SH2D4A: variants seen among roughly 807,000 people sequenced by gnomAD.
The protein encoded by SH2D4A is SH2 domain-containing protein 4A.
In SH2D4A, 70 loss-of-function variants were observed where a neutral mutation model predicts 64.7. The observed-to-expected ratio is 1.08, with a 90% CI of 0.89 to 1.32. The LOEUF is 1.32. Among genes scored for constraint, SH2D4A ranks in the 40% most tolerant of loss-of-function variants. The probability of loss-of-function intolerance (pLI) is 0.00; values close to 1 mark genes in which losing one functional copy is unlikely to be tolerated. For synonymous variants in SH2D4A, 268 were observed against 200.7 expected, an observed-to-expected ratio of 1.34 and a Z score of -2.83; for missense variants, 706 against 540.1, an observed-to-expected ratio of 1.31 and a Z score of -3.04.
chr8:19,373,553 T>C lies in SH2D4A; in HGVS notation c.941T>C (p.Leu314Pro), dbSNP rs149655770. Residue 314 changes from leucine (L) to proline (P), a missense_variant, in exon 8 of 10, where the codon CTG becomes CCG. By Grantham distance (98) the Leu-to-Pro change is moderately conservative (BLOSUM62 -3). Coordinates refer to ENST00000265807, the MANE Select transcript of SH2D4A (RefSeq NM_022071.4). ...AGAAATCAGGGAGTGGTGAGGACAC[T>C]GTCCAGCTCTGCCCAAGAGGACATC... ...PLRNQGVVRT[L>P]SSSAQEDIIR... 7.0e-4 allele frequency: 1,128 copies of C among 1,609,514 alleles called. 10 individuals carry two copies. In the South Asian group the frequency reaches 0.012, roughly 17 times the overall value.
chr8:19,393,211 G>A lies in SH2D4A; in HGVS notation c.1049-107G>A. 3 of 972,726 alleles carry A rather than the reference G, an allele frequency of 3.1e-6. No homozygotes were observed. The South Asian group carries it at 4.3e-5, about 14-fold the overall frequency. The allele number at this position is 972,726 out of a possible 1,614,324, so 60.3% of individuals were successfully genotyped here. A position where few individuals can be genotyped will look rare whatever the true frequency, so the allele number is the denominator to read the frequency against. ...ACAGACTTAAAATTGCTCTTATTGT[G>A]TCTTATTTAGGCGTCATTGACTCTA... On this transcript the variant is annotated intron_variant, in intron 8 of 9. Transcript: ENST00000265807.
intron 1 of SH2D4A, among the ~76,000 whole-genome samples, chr8:19,318,378 A>G (rs372182290): frequency 6.6e-6 from 1 of 152,178 alleles, no homozygotes; most frequent in African/African-American, 2.4e-5. Flanking sequence ...TTGTTTAAAA[A>G]TAGAGAGAGA....
intron 2 of SH2D4A, among the ~76,000 whole-genome samples, chr8:19,321,498 G>A (rs1204650462): frequency 6.6e-6 from 1 of 152,196 alleles, no homozygotes; most frequent in Non-Finnish European, 1.5e-5. Flanking sequence ...ACAGGCCTGA[G>A]CCACTGAAGC....
chr8:19,346,561 A>G (rs1056813179), intron 4 of SH2D4A, among the ~76,000 whole-genome samples: 1 of 152,216 alleles, frequency 6.6e-6, no homozygotes, highest in African/African-American at 2.4e-5. Flanking sequence ...TGCACAATAA[A>G]TGTAATGCAC....
chr8:19,374,328 G>C (rs2053159211), intron 8 of SH2D4A, among the ~76,000 whole-genome samples: 1 of 152,104 alleles, frequency 6.6e-6, no homozygotes, highest in Admixed American at 6.5e-5. Flanking sequence ...CTGTTTCTTG[G>C]ATCTCAAGAA....
At chr8:19,382,795 T>C (rs1285282029) in intron 8 of SH2D4A, among the ~76,000 whole-genome samples, 1 of 150,728 alleles carries the variant, frequency 6.6e-6, no homozygotes, top group African/African-American at 2.4e-5. Context: ...TGCTTCTCTC[T>C]CTTTTCTCTC....
At chr8:19,379,471 G>A (rs2053253605) in intron 8 of SH2D4A, among the ~76,000 whole-genome samples, 1 of 152,206 alleles carries the variant, frequency 6.6e-6, no homozygotes. Context: ...TAGTGCTGCT[G>A]AGAACACAGG....
chr8:19,381,610 T>C lies in SH2D4A; in HGVS notation c.1048+7950T>C, dbSNP rs544530240. On this transcript the variant is annotated intron_variant, in intron 8 of 9. Transcript: ENST00000265807. ...CGATTGTATCATCTGACAACAGAGA[T>C]AATTTAACTTCTTTTCTAATTTGAA... 6.6e-5 allele frequency among the ~76,000 whole-genome samples: 10 copies of C among 152,342 alleles called. 1 individual carries two copies. The highest frequency in any genetic ancestry group is 3.9e-4 in the Admixed American group (6 of 15,306).
chr8:19,357,138 C>T (rs1325688903), intron 4 of SH2D4A, 65 bp from the exon 5 acceptor site: 2 of 1,290,282 alleles, frequency 1.6e-6, no homozygotes, highest in Non-Finnish European at 2.2e-6. Context: ...GAAACATTGA[C>T]AGATTATCTT....
intron 8 of SH2D4A, among the ~76,000 whole-genome samples, chr8:19,381,993 G>T (rs1485027481): frequency 6.6e-6 from 1 of 151,932 alleles, no homozygotes; most frequent in African/African-American, 2.4e-5. Flanking sequence ...ACTTGGTATG[G>T]TATATAATCC....
At chr8:19,372,653 AT>A (rs2053123328) in intron 7 of SH2D4A, among the ~76,000 whole-genome samples, 1 of 152,206 alleles carries the variant, frequency 6.6e-6, no homozygotes, top group African/African-American at 2.4e-5. Context: ...TCTGCTCAAA[AT>A]TAGTACGCTG....
chr8:19,332,833 G>T, intron 2 of SH2D4A, 122 bp from the exon 3 acceptor site: 1 of 794,818 alleles, frequency 1.3e-6, no homozygotes, highest in Non-Finnish European at 1.8e-6. Context: ...GAAGTTCTTT[G>T]TCTCATCTGA....
chr8:19,330,309 C>G (rs1195585743), intron 2 of SH2D4A, among the ~76,000 whole-genome samples: 2 of 152,186 alleles, frequency 1.3e-5, no homozygotes, highest in African/African-American at 2.4e-5. Flanking sequence ...TATCCCCACT[C>G]TCTGAGCTCA....
intron 4 of SH2D4A, among the ~76,000 whole-genome samples, chr8:19,343,731 G>A (rs1409194894): frequency 2.0e-5 from 3 of 152,166 alleles, no homozygotes; most frequent in South Asian, 4.1e-4. Context: ...GGTTTAATCT[G>A]TGTAATGATA....
chr8:19,375,916 C>G (rs970177068), intron 8 of SH2D4A, among the ~76,000 whole-genome samples: 1 of 152,250 alleles, frequency 6.6e-6, no homozygotes, highest in African/African-American at 2.4e-5. Flanking sequence ...TCCCTGTGAT[C>G]CACAATGCCT....
At chr8:19,387,451 G>A (rs1481342335) in intron 8 of SH2D4A, among the ~76,000 whole-genome samples, 1 of 152,224 alleles carries the variant, frequency 6.6e-6, no homozygotes, top group Non-Finnish European at 1.5e-5. Context: ...TGTTGCCCAG[G>A]CTAGTCTCAA....
At chr8:19,391,064 C>T (rs1315809962) in intron 8 of SH2D4A, among the ~76,000 whole-genome samples, 2 of 152,140 alleles carry the variant, frequency 1.3e-5, no homozygotes, top group Non-Finnish European at 2.9e-5. Context: ...GCTGCTTCTC[C>T]TCCGGTCGTG....
At chr8:19,389,430 T>C (rs973213095) in intron 8 of SH2D4A, among the ~76,000 whole-genome samples, 4 of 152,212 alleles carry the variant, frequency 2.6e-5, no homozygotes, top group Non-Finnish European at 5.9e-5. Context: ...CAGTAGCACA[T>C]GTGGCAATAT....
intron 7 of SH2D4A, among the ~76,000 whole-genome samples, chr8:19,364,610 G>A (rs990086652): frequency 1.2e-4 from 17 of 144,626 alleles, no homozygotes; most frequent in South Asian, 5.0e-4. Flanking sequence ...AGAGGCAGCC[G>A]GTGAGCCAGT....
Sources: gnomAD v4.1 joint callset for allele counts (sites outside exome capture counted in the v4.1 genomes callset) on GRCh38, gnomAD v4.1.1 for gene constraint, MANE v1.5 for transcripts, NCBI Gene and HGNC (gene_info 2026-07-23, HGNC 2026-07-21) for gene names.